The following RALGAPA2 variants were observed in gnomAD, a reference collection of about 807,000 sequenced individuals.
The protein encoded by RALGAPA2 is ral GTPase-activating protein subunit alpha-2.
In RALGAPA2, 139 loss-of-function variants were observed where a neutral mutation model predicts 230.4. The ratio of observed to expected loss-of-function variants is 0.60; its 90% CI spans 0.53 to 0.69. RALGAPA2 has a LOEUF of 0.69. Among genes scored for constraint, RALGAPA2 ranks in the 30% least tolerant of loss-of-function variants. The probability of loss-of-function intolerance (pLI) is 0.00; values close to 1 mark genes in which losing one functional copy is unlikely to be tolerated. For synonymous variants in RALGAPA2, 847 were observed against 837.8 expected, an observed-to-expected ratio of 1.01 and a Z score of -0.19; for missense variants, 2,163 against 2,276.0, an observed-to-expected ratio of 0.95 and a Z score of 1.01.
At position 20,524,387 on chromosome 20, in the gene RALGAPA2, G is replaced by A. The variant is rs951554192; in HGVS notation, c.3900+19C>T. The A allele has an allele frequency of 1.1e-5, 18 of 1,613,322 alleles. No homozygotes were observed. Among genetic ancestry groups the A allele is most frequent in the Non-Finnish European group, 1.4e-5 (17 of 1,179,606 alleles). On this transcript the variant is annotated intron_variant, in intron 30 of 39. Coordinates refer to ENST00000202677, the MANE Select transcript of RALGAPA2 (RefSeq NM_020343.4). ...TATAAACCCACACTCCATTCCCCCA[G>A]GCCCAGGTGTAGACTCACCCTGTAG...
At chr20:20,619,762 A>G (rs1030714023) in intron 11 of RALGAPA2, among the ~76,000 whole-genome samples, 1 of 152,254 alleles carries the variant, frequency 6.6e-6, no homozygotes, top group Admixed American at 6.5e-5. Context: ...TTTCACCAAT[A>G]TTGAAAAATT....
At chr20:20,559,674 T>C (rs2064196580) in intron 23 of RALGAPA2, among the ~76,000 whole-genome samples, 1 of 152,158 alleles carries the variant, frequency 6.6e-6, no homozygotes, top group South Asian at 2.1e-4. Context: ...ACAACTTTTT[T>C]TTTAATGAGA....
intron 37 of RALGAPA2, among the ~76,000 whole-genome samples, chr20:20,465,149 T>TCACACACACACACACA (rs74180992): frequency 0.037 from 3,984 of 109,084 alleles, 141 homozygotes; most frequent in East Asian, 0.063. Flanking sequence ...CCGCAGGCCT[T>TCACACACACACACACA]CACACACACA....
intron 31 of RALGAPA2, among the ~76,000 whole-genome samples, chr20:20,516,183 T>G (rs901847830): frequency 1.8e-4 from 27 of 152,146 alleles, no homozygotes; most frequent in African/African-American, 5.8e-4. Context: ...CTGGCCCCAC[T>G]CAAGGAGAGT....
At chr20:20,557,209 C>T (rs941090812) in intron 23 of RALGAPA2, among the ~76,000 whole-genome samples, 4 of 152,028 alleles carry the variant, frequency 2.6e-5, no homozygotes, top group African/African-American at 9.7e-5. Context: ...ACTCAGTAGG[C>T]TGAGGCAGGG....
intron 1 of RALGAPA2, among the ~76,000 whole-genome samples, chr20:20,684,026 T>A (rs1423623489): frequency 3.3e-5 from 5 of 152,196 alleles, no homozygotes; most frequent in Non-Finnish European, 2.9e-5. Context: ...AGCACTACTT[T>A]GGAACAGTCT....
chr20:20,610,592 T>G (rs1310346176), intron 14 of RALGAPA2, among the ~76,000 whole-genome samples: 1 of 152,168 alleles, frequency 6.6e-6, no homozygotes, highest in South Asian at 2.1e-4. Flanking sequence ...CATACTTTAG[T>G]ACCACCCACC....
chr20:20,488,845 C>T (rs896299076), intron 36 of RALGAPA2, among the ~76,000 whole-genome samples: 1 of 152,226 alleles, frequency 6.6e-6, no homozygotes, highest in Non-Finnish European at 1.5e-5. Context: ...ACCCCCAGCC[C>T]TTGACACAGT....
At chr20:20,405,800 G>C (rs539895851) in intron 38 of RALGAPA2, among the ~76,000 whole-genome samples, 1 of 152,264 alleles carries the variant, frequency 6.6e-6, no homozygotes, top group African/African-American at 2.4e-5. Context: ...TAAGAGACTG[G>C]GAAGGAGGGG....
chr20:20,689,666 A>G (rs1454379828), intron 1 of RALGAPA2, among the ~76,000 whole-genome samples: 1 of 152,214 alleles, frequency 6.6e-6, no homozygotes, highest in Non-Finnish European at 1.5e-5. Context: ...AAAAAATACA[A>G]TATGTCCTCA....
At chr20:20,393,423 C>T (rs1225583466) in intron 39 of RALGAPA2, among the ~76,000 whole-genome samples, 170 bp from the exon 40 acceptor site, 2 of 152,246 alleles carry the variant, frequency 1.3e-5, no homozygotes, top group African/African-American at 2.4e-5. Flanking sequence ...TGAATAAACA[C>T]ATGAATGTCT....
At chr20:20,678,976 C>A (rs987123214) in intron 2 of RALGAPA2, among the ~76,000 whole-genome samples, 1 of 152,178 alleles carries the variant, frequency 6.6e-6, no homozygotes, top group Non-Finnish European at 1.5e-5. Flanking sequence ...TTTCCTGGTA[C>A]CCCTCCTACT....
chr20:20,662,968 G>A (rs1159287786), intron 3 of RALGAPA2, among the ~76,000 whole-genome samples: 1 of 152,224 alleles, frequency 6.6e-6, no homozygotes, highest in Non-Finnish European at 1.5e-5. Context: ...GTAAGAGGCT[G>A]CCAGTGAGGG....
At chr20:20,529,070 A>T (rs997839411) in intron 27 of RALGAPA2, among the ~76,000 whole-genome samples, 20 of 152,230 alleles carry the variant, frequency 1.3e-4, no homozygotes, top group African/African-American at 4.6e-4. Flanking sequence ...TTGCCACAGC[A>T]ACACGGAAAC....
intron 38 of RALGAPA2, among the ~76,000 whole-genome samples, chr20:20,406,389 T>C (rs773749750): frequency 1.3e-5 from 2 of 152,084 alleles, no homozygotes; most frequent in African/African-American, 4.8e-5. Context: ...ACATCTTAAA[T>C]TGGAAAAAAA....
At chr20:20,627,040 A>C (rs2066509986) in intron 10 of RALGAPA2, among the ~76,000 whole-genome samples, 2 of 152,218 alleles carry the variant, frequency 1.3e-5, no homozygotes, top group Non-Finnish European at 2.9e-5. Flanking sequence ...ATATGACAAC[A>C]TTAATGTAGG....
rs547104323 is a variant in RALGAPA2, at chr20:20,712,075, G to A, written c.106+300C>T. Among the ~76,000 whole-genome samples the A allele has an allele frequency of 1.9e-4, 29 of 152,242 alleles. No homozygotes were observed. Among genetic ancestry groups the A allele is most frequent in the Non-Finnish European group, 3.8e-4 (26 of 68,004 alleles). On this transcript the variant is annotated intron_variant, in intron 1 of 39. Coordinates refer to ENST00000202677, the MANE Select transcript of RALGAPA2 (RefSeq NM_020343.4). This position sits in a 1 kb window ranked among gnomAD's most constrained non-coding sequence, Gnocchi z 5.5. ...CCACTTGGGATCCAGTTCACTTGCT[G>A]GGAGGACAGGGGACAGGTACCTCTG...
intron 33 of RALGAPA2, 142 bp downstream of exon 33, chr20:20,511,112 A>G: frequency 7.5e-7 from 1 of 1,331,086 alleles, no homozygotes; most frequent in Admixed American, 3.2e-5. Context: ...ACGGTATGGC[A>G]TGCGCAAATG....
chr20:20,698,701 A>AATCCCAGGCACT (rs1603253624), intron 1 of RALGAPA2, among the ~76,000 whole-genome samples: 1 of 152,210 alleles, frequency 6.6e-6, no homozygotes, highest in East Asian at 1.9e-4. Context: ...TGCCTGGTCT[A>AATCCCAGGCACT]AAATGATTAA....
Sources: gnomAD v4.1 joint callset for allele counts (sites outside exome capture counted in the v4.1 genomes callset) on GRCh38, gnomAD v4.1.1 for gene constraint, Gnocchi (gnomAD v3.1) non-coding constraint, MANE v1.5 for transcripts, NCBI Gene and HGNC (gene_info 2026-07-23, HGNC 2026-07-21) for gene names.